PLA2R1: variants seen among roughly 807,000 people sequenced by gnomAD.
PLA2R1 encodes secretory phospholipase A2 receptor.
PLA2R1 carries 158 observed loss-of-function variants against 195.9 expected under a neutral mutation model. The observed-to-expected ratio is 0.81, with a 90% CI of 0.71 to 0.92. PLA2R1 has a LOEUF of 0.92. Ranked by LOEUF, PLA2R1 falls within the 40% of genes least tolerant of loss-of-function variation. The probability of loss-of-function intolerance (pLI) is 0.00; values close to 1 mark genes in which losing one functional copy is unlikely to be tolerated. For synonymous variants in PLA2R1, 586 were observed against 598.2 expected, an observed-to-expected ratio of 0.98 and a Z score of 0.30; for missense variants, 1,626 against 1,764.6, an observed-to-expected ratio of 0.92 and a Z score of 1.41.
intron 18 of PLA2R1, among the ~76,000 whole-genome samples, chr2:159,969,619 G>A (rs1240078330): frequency 3.3e-5 from 5 of 152,082 alleles, no homozygotes; most frequent in Admixed American, 6.6e-5. Context: ...TCGGCTCACG[G>A]CAGCCTCTGC....
At chr2:160,013,153 T>C (rs1436366931) in intron 10 of PLA2R1, 110 bp downstream of exon 10, 2 of 489,550 alleles carry the variant, frequency 4.1e-6, no homozygotes, top group Non-Finnish European at 7.4e-6. Context: ...AGTACTTTGA[T>C]GTATAGCACA....
At chr2:159,986,690 C>T (rs368170709) in intron 12 of PLA2R1, among the ~76,000 whole-genome samples, 1 of 151,940 alleles carries the variant, frequency 6.6e-6, no homozygotes, top group South Asian at 2.1e-4. Flanking sequence ...GGGTTCGAGC[C>T]ATTCTCCTGT....
chr2:159,976,046 G>A (rs371988298), intron 17 of PLA2R1, 22 bp downstream of exon 17: 21 of 1,592,810 alleles, frequency 1.3e-5, no homozygotes, highest in Middle Eastern at 1.7e-4. Flanking sequence ...TGAATTTTTC[G>A]TGGTGAGTTA....
At position 159,975,801 on chromosome 2, in the gene PLA2R1, G is replaced by A. The variant is rs537780259; in HGVS notation, c.2595+267C>T. Among the ~76,000 whole-genome samples, 15 of 152,034 alleles carry A rather than the reference G, an allele frequency of 9.9e-5. No homozygotes were observed. In the East Asian group the frequency reaches 1.9e-3, roughly 20 times the overall value. On this transcript the variant is annotated intron_variant, in intron 17 of 29. Transcript: ENST00000283243. ...CGAATGAACCTCATGAAACAATCTC[G>A]ACGTGCTCACCATTGTTGCTAACAA...
intron 3 of PLA2R1, among the ~76,000 whole-genome samples, chr2:160,034,692 G>A (rs1285717723): frequency 6.6e-6 from 1 of 152,170 alleles, no homozygotes; most frequent in East Asian, 1.9e-4. Flanking sequence ...TAGCACTTTG[G>A]GAGGCTGAAG....
At chr2:160,035,857 A>T (rs1694134436) in intron 3 of PLA2R1, among the ~76,000 whole-genome samples, 1 of 152,164 alleles carries the variant, frequency 6.6e-6, no homozygotes, top group Non-Finnish European at 1.5e-5. Context: ...GCCATCAATG[A>T]CCCCTGTGTT....
intron 20 of PLA2R1, among the ~76,000 whole-genome samples, chr2:159,963,732 T>A (rs1314738577): frequency 6.6e-6 from 1 of 152,060 alleles, no homozygotes; most frequent in African/African-American, 2.4e-5. Flanking sequence ...ATAGCCAGAG[T>A]TGGCAAAGAT....
chr2:159,947,679 A>G, intron 25 of PLA2R1, 120 bp from the exon 26 acceptor site: 1 of 942,934 alleles, frequency 1.1e-6, no homozygotes. Context: ...TTTCATGGTA[A>G]TACTCTGAAA....
chr2:159,984,101 A>G (rs1690156964), intron 12 of PLA2R1, 28 bp from the exon 13 acceptor site: 1 of 1,102,686 alleles, frequency 9.1e-7, no homozygotes, highest in African/African-American at 1.6e-5. Flanking sequence ...ATAAATTAAC[A>G]TTGTTATAGA....
intron 22 of PLA2R1, among the ~76,000 whole-genome samples, 158 bp downstream of exon 22, chr2:159,955,540 T>C (rs975903516): frequency 6.6e-6 from 1 of 151,486 alleles, no homozygotes; most frequent in African/African-American, 2.4e-5. Context: ...ATTATATTAA[T>C]GGAACACATA....
chr2:160,059,719 G>A (rs1021353608), intron 1 of PLA2R1, among the ~76,000 whole-genome samples: 4 of 152,208 alleles, frequency 2.6e-5, no homozygotes, highest in Non-Finnish European at 5.9e-5. Context: ...TGGACTCACA[G>A]TTCAACATGG....
At chr2:159,942,816 A>G (rs1191000822) in intron 28 of PLA2R1, among the ~76,000 whole-genome samples, 2 of 152,196 alleles carry the variant, frequency 1.3e-5, no homozygotes, top group African/African-American at 4.8e-5. Flanking sequence ...ATCCAGAGAA[A>G]GGTATAGAGA....
chr2:160,049,087 C>T (rs1351011062), intron 1 of PLA2R1, among the ~76,000 whole-genome samples: 7 of 152,006 alleles, frequency 4.6e-5, no homozygotes, highest in South Asian at 2.1e-4. Context: ...GTGATCCGCC[C>T]GCCTCGGCCT....
chr2:159,948,642 C>CAAAAAAA (rs56329076), intron 25 of PLA2R1, among the ~76,000 whole-genome samples: 1 of 95,838 alleles, frequency 1.0e-5, no homozygotes, highest in African/African-American at 4.3e-5. Context: ...CAAGTGCTAA[C>CAAAAAAA]AAAAAAAAAA....
intron 3 of PLA2R1, among the ~76,000 whole-genome samples, chr2:160,036,782 T>C (rs1394642904): frequency 6.6e-6 from 1 of 152,174 alleles, no homozygotes; most frequent in East Asian, 1.9e-4. Context: ...TCTATACAAC[T>C]GAAAAGCCTT....
chr2:159,977,088 T>C (rs976917124), intron 15 of PLA2R1, among the ~76,000 whole-genome samples, 196 bp downstream of exon 15: 1 of 152,238 alleles, frequency 6.6e-6, no homozygotes, highest in Non-Finnish European at 1.5e-5. Flanking sequence ...GTTACCTTAG[T>C]TCCCAATGAA....
chr2:159,929,382 A>T (rs1274985229), downstream of PLA2R1, among the ~76,000 whole-genome samples: 1 of 152,260 alleles, frequency 6.6e-6, no homozygotes, highest in Non-Finnish European at 1.5e-5. Context: ...CAAATGGCCA[A>T]CAAACATATG....
At chr2:160,022,178 C>T (rs916297045) in intron 7 of PLA2R1, among the ~76,000 whole-genome samples, 3 of 152,202 alleles carry the variant, frequency 2.0e-5, no homozygotes, top group Admixed American at 6.5e-5. Flanking sequence ...CTCTGAGGGA[C>T]TCAGGCTGTG....
chr2:159,947,385 A>C, intron 26 of PLA2R1, 34 bp downstream of exon 26: 1 of 1,574,440 alleles, frequency 6.4e-7, no homozygotes, highest in Non-Finnish European at 8.6e-7. Flanking sequence ...GAAGGAGCAC[A>C]TGAAAGCATT....
Sources: allele counts gnomAD v4.1 joint callset (sites outside exome capture counted in the v4.1 genomes callset), GRCh38; gene constraint gnomAD v4.1.1; transcripts MANE v1.5; gene names NCBI Gene and HGNC (gene_info 2026-07-23, HGNC 2026-07-21).